The following KLHL1 variants were observed in gnomAD, a reference collection of about 807,000 sequenced individuals.
KLHL1 encodes kelch like family member 1.
KLHL1 carries 47 observed loss-of-function variants against 77.7 expected under a neutral mutation model. The observed-to-expected ratio is 0.60, with a 90% CI of 0.48 to 0.77. The LOEUF (loss-of-function observed/expected upper bound fraction) is 0.77, where lower values mean the gene tolerates loss of function less well. Among genes scored for constraint, KLHL1 ranks in the 30% least tolerant of loss-of-function variants. KLHL1 has a pLI of 0.00. For missense variants in KLHL1, 925 were observed against 910.8 expected (o/e 1.02, Z -0.20); for synonymous variants, 360 against 325.2 (o/e 1.11, Z -1.15).
intron 1 of KLHL1, among the ~76,000 whole-genome samples, chr13:70,032,440 T>G (rs1886126794): frequency 1.3e-5 from 2 of 152,108 alleles, no homozygotes; most frequent in Non-Finnish European, 2.9e-5. Context: ...ACGGAGCAAA[T>G]TGAAGAAATG....
intron 4 of KLHL1, among the ~76,000 whole-genome samples, chr13:69,892,762 A>T (rs1017727357): frequency 1.3e-5 from 2 of 152,222 alleles, no homozygotes; most frequent in South Asian, 2.1e-4. Flanking sequence ...GATAAAAAGT[A>T]TGTGTAGAAA....
intron 2 of KLHL1, among the ~76,000 whole-genome samples, 155 bp from the exon 3 acceptor site, chr13:69,961,599 T>C (rs1388193385): frequency 1.3e-5 from 2 of 152,100 alleles, no homozygotes; most frequent in African/African-American, 4.8e-5. Context: ...ACAAAACTGA[T>C]TCAAAAACTC....
intron 10 of KLHL1, among the ~76,000 whole-genome samples, chr13:69,705,190 C>A (rs570903138): frequency 6.6e-6 from 1 of 151,314 alleles, no homozygotes; most frequent in South Asian, 2.1e-4. Context: ...GAATAAAGTT[C>A]TCTTTATGTC....
At chr13:69,789,512 A>C (rs1876758434) in intron 7 of KLHL1, among the ~76,000 whole-genome samples, 2 of 152,124 alleles carry the variant, frequency 1.3e-5, no homozygotes, top group African/African-American at 4.8e-5. Flanking sequence ...CACTTTTTGT[A>C]CAATTAAAAT....
At chr13:69,815,913 A>G (rs1025265923) in intron 6 of KLHL1, among the ~76,000 whole-genome samples, 2 of 152,028 alleles carry the variant, frequency 1.3e-5, no homozygotes, top group Non-Finnish European at 2.9e-5. Flanking sequence ...GAAATAAAAA[A>G]CTGAAAGATA....
intron 4 of KLHL1, among the ~76,000 whole-genome samples, chr13:69,883,699 T>A (rs1353744739): frequency 1.3e-5 from 2 of 152,222 alleles, no homozygotes; most frequent in Non-Finnish European, 2.9e-5. Flanking sequence ...GAATTGATAA[T>A]CTCTGTAGAG....
intron 3 of KLHL1, among the ~76,000 whole-genome samples, chr13:69,950,268 C>A (rs1883664988): frequency 6.6e-6 from 1 of 151,608 alleles, no homozygotes; most frequent in East Asian, 1.9e-4. Context: ...ATTAAACATG[C>A]CAGTAGCTCA....
At chr13:69,804,831 T>C (rs1369845555) in intron 6 of KLHL1, among the ~76,000 whole-genome samples, 1 of 152,168 alleles carries the variant, frequency 6.6e-6, no homozygotes, top group African/African-American at 2.4e-5. Flanking sequence ...GTTGTTATGT[T>C]TGATGTATTG....
intron 1 of KLHL1, among the ~76,000 whole-genome samples, chr13:70,003,157 G>A (rs569785139): frequency 2.6e-5 from 4 of 151,684 alleles, no homozygotes; most frequent in Admixed American, 6.6e-5. Context: ...TAACAATTAT[G>A]AGCATACAAA....
chr13:69,858,446 T>C lies in KLHL1; in HGVS notation c.1228-19284A>G, dbSNP rs1312770942. On this transcript the variant is annotated intron_variant, in intron 5 of 10. Transcript: ENST00000377844. The stretch of plus-strand genomic sequence containing the variant: ...TACAAATGCAAGCTTGAAAACAAGA[T>C]GACATTCATTATAAAAATTAAATTA... Among the ~76,000 whole-genome samples the C allele has an allele frequency of 7.2e-5, 11 of 152,192 alleles. No homozygotes were observed. The East Asian group carries it at 7.8e-4, about 11-fold the overall frequency.
intron 1 of KLHL1, among the ~76,000 whole-genome samples, chr13:69,991,901 A>G (rs1885038233): frequency 6.6e-6 from 1 of 152,082 alleles, no homozygotes; most frequent in African/African-American, 2.4e-5. Context: ...AAATTATTTT[A>G]CCCACTTCTG....
chr13:69,907,707 G>T (rs1882089202), intron 4 of KLHL1, among the ~76,000 whole-genome samples: 1 of 151,970 alleles, frequency 6.6e-6, no homozygotes, highest in African/African-American at 2.4e-5. Flanking sequence ...GAGGGTTTTG[G>T]TGGACTTGCA....
chr13:69,855,185 C>A (rs1392502773), intron 5 of KLHL1, among the ~76,000 whole-genome samples: 1 of 151,856 alleles, frequency 6.6e-6, no homozygotes, highest in Non-Finnish European at 1.5e-5. Context: ...TAGTCAAGAA[C>A]CATAAAACAG....
intron 1 of KLHL1, among the ~76,000 whole-genome samples, chr13:70,022,975 G>A (rs556908744): frequency 6.6e-6 from 1 of 151,934 alleles, no homozygotes; most frequent in Middle Eastern, 3.4e-3. Flanking sequence ...TTGAAGTTTC[G>A]ATCATGTCTT....
At chr13:69,710,381 T>C (rs912499046) in intron 9 of KLHL1, among the ~76,000 whole-genome samples, 3 of 152,066 alleles carry the variant, frequency 2.0e-5, no homozygotes, top group Non-Finnish European at 2.9e-5. Context: ...TTTTCAGTAG[T>C]AGGTAACATA....
intron 5 of KLHL1, among the ~76,000 whole-genome samples, chr13:69,853,222 G>A (rs1472160533): frequency 6.6e-6 from 1 of 151,902 alleles, no homozygotes; most frequent in Admixed American, 6.6e-5. Flanking sequence ...GTCATGGGAG[G>A]GACCCAGTGG....
intron 6 of KLHL1, among the ~76,000 whole-genome samples, chr13:69,836,743 G>A (rs1430903227): frequency 6.6e-6 from 1 of 151,710 alleles, no homozygotes; most frequent in African/African-American, 2.4e-5. Context: ...CTACCTACTA[G>A]ATATTTACAG....
At chr13:69,785,241 C>G (rs959448263) in intron 7 of KLHL1, among the ~76,000 whole-genome samples, 5 of 152,144 alleles carry the variant, frequency 3.3e-5, no homozygotes, top group Non-Finnish European at 7.4e-5. Flanking sequence ...CCAAAATAGA[C>G]CACATAGTTG....
intron 7 of KLHL1, among the ~76,000 whole-genome samples, chr13:69,764,929 CT>C (rs71196263): frequency 5.0e-5 from 2 of 39,724 alleles, no homozygotes; most frequent in African/African-American, 9.5e-5. Flanking sequence ...TATATCTTTG[CT>C]TTTTTTTTTT....
Sources: gnomAD v4.1 joint callset for allele counts (sites outside exome capture counted in the v4.1 genomes callset) on GRCh38, gnomAD v4.1.1 for gene constraint, MANE v1.5 for transcripts, NCBI Gene and HGNC (gene_info 2026-07-23, HGNC 2026-07-21) for gene names.